The following OXCT1 variants were observed in gnomAD, a reference collection of about 807,000 sequenced individuals.
The protein encoded by OXCT1 is succinyl-CoA:3-ketoacid coenzyme A transferase 1, mitochondrial.
OXCT1 carries 27 observed loss-of-function variants against 69.6 expected under a neutral mutation model. The ratio of observed to expected loss-of-function variants is 0.39; its 90% confidence interval spans 0.29 to 0.54. The LOEUF is 0.54. Ranked by LOEUF, OXCT1 falls within the 20% of genes least tolerant of loss-of-function variation. The pLI is 0.72. For missense variants in OXCT1, 437 were observed against 650.2 expected (o/e 0.67, Z 3.57); for synonymous variants, 202 against 217.8 (o/e 0.93, Z 0.64).
At chr5:41,791,665 G>T (rs1269727038) in intron 13 of OXCT1, among the ~76,000 whole-genome samples, 1 of 152,112 alleles carries the variant, frequency 6.6e-6, no homozygotes, top group Non-Finnish European at 1.5e-5. Context: ...TCATACCCAG[G>T]ACCACTGAGC....
intron 7 of OXCT1, among the ~76,000 whole-genome samples, chr5:41,828,343 C>T (rs113509463): frequency 0.026 from 3,879 of 151,690 alleles, 81 homozygotes; most frequent in Non-Finnish European, 0.037. Context: ...CAACTGGTCT[C>T]GAACTCCTGA....
intron 13 of OXCT1, among the ~76,000 whole-genome samples, chr5:41,786,161 C>A (rs1446976483): frequency 6.6e-6 from 1 of 152,124 alleles, no homozygotes; most frequent in Non-Finnish European, 1.5e-5. Context: ...GCTGGGGAAG[C>A]ATCCAGCCAT....
intron 7 of OXCT1, among the ~76,000 whole-genome samples, chr5:41,821,968 C>T (rs1249973099): frequency 6.6e-6 from 1 of 152,148 alleles, no homozygotes; most frequent in Non-Finnish European, 1.5e-5. Flanking sequence ...GTTTTTCTCT[C>T]AGGGATCATG....
At position 41,757,199 on chromosome 5, in the gene OXCT1, C is replaced by G. The variant is rs181888341; in HGVS notation, c.1338+4912G>C. ...GTGAGTATATTTTTTCCCACTCAAC[C>G]TTTCTCGCTTTGTTCTTTGACTAGA... On this transcript the variant is annotated intron_variant, in intron 14 of 16. Transcript: ENST00000196371. Among the ~76,000 whole-genome samples the G allele has an allele frequency of 1.4e-3, 210 of 152,188 alleles. 1 individual carries two copies. The highest frequency in any genetic ancestry group is 4.9e-3 in the African/African-American group (203 of 41,556).
intron 10 of OXCT1, among the ~76,000 whole-genome samples, chr5:41,802,662 T>G (rs972461727): frequency 6.6e-6 from 1 of 152,056 alleles, no homozygotes; most frequent in African/African-American, 2.4e-5. Context: ...CTTCATTATC[T>G]TGTCCAACAA....
At chr5:41,794,491 C>G in intron 12 of OXCT1, 186 bp downstream of exon 12, 2 of 632,950 alleles carry the variant, frequency 3.2e-6, no homozygotes, top group Non-Finnish European at 5.5e-6. Context: ...CTTTTCCTAA[C>G]AGTGGGCTGG....
chr5:41,848,448 G>T (rs1224436454), intron 5 of OXCT1, among the ~76,000 whole-genome samples: 1 of 147,612 alleles, frequency 6.8e-6, no homozygotes, highest in Non-Finnish European at 1.5e-5. Flanking sequence ...AAGTTCATAT[G>T]GAACCAAAAA....
chr5:41,787,142 T>C (rs1489940694), intron 13 of OXCT1, among the ~76,000 whole-genome samples: 1 of 152,178 alleles, frequency 6.6e-6, no homozygotes, highest in Non-Finnish European at 1.5e-5. Flanking sequence ...GGCCAGTAAC[T>C]CTGTGATATA....
At chr5:41,829,484 A>G (rs1011316396) in intron 7 of OXCT1, among the ~76,000 whole-genome samples, 2 of 152,132 alleles carry the variant, frequency 1.3e-5, no homozygotes, top group African/African-American at 4.8e-5. Flanking sequence ...ACTTGCTGTA[A>G]TTGGTATTTT....
chr5:41,730,355 T>A lies in OXCT1; in HGVS notation c.*1374A>T, dbSNP rs1453485249. On this transcript the variant is annotated 3_prime_UTR_variant, in exon 17 of 17. Coordinates refer to ENST00000196371, the MANE Select transcript of OXCT1 (RefSeq NM_000436.4). Reference sequence around the variant, plus strand: ...GAAAGGCTGTTTTATATATGGTGTGTGTTACTCATAAAAAGCCTGTCCTTT... The same window carrying A: ...GAAAGGCTGTTTTATATATGGTGTGAGTTACTCATAAAAAGCCTGTCCTTT... 6.6e-6 allele frequency: 1 copy of A among 152,242 alleles called. No homozygotes were observed. The highest frequency in any genetic ancestry group is 1.5e-5 in the Non-Finnish European group (1 of 68,044). 9.4% of individuals were successfully genotyped at this position (152,242 alleles called of 1,614,324 possible).
intron 5 of OXCT1, among the ~76,000 whole-genome samples, chr5:41,848,086 A>G (rs1749008191): frequency 6.9e-6 from 1 of 145,508 alleles, no homozygotes; most frequent in Admixed American, 6.9e-5. Context: ...GCAAAGTCTC[A>G]GGATACAAAA....
At chr5:41,785,972 G>A (rs937525385) in intron 13 of OXCT1, among the ~76,000 whole-genome samples, 14 of 152,142 alleles carry the variant, frequency 9.2e-5, no homozygotes, top group South Asian at 2.1e-4. Context: ...GCTGTTTTGC[G>A]GAAGTAACTA....
intron 3 of OXCT1, 128 bp downstream of exon 3, chr5:41,861,186 C>T: frequency 1.4e-6 from 1 of 733,024 alleles, no homozygotes; most frequent in South Asian, 1.5e-5. Context: ...TTGTTAAACA[C>T]TAGATTTTGA....
chr5:41,731,831 T>G, intron 16 of OXCT1, 61 bp from the exon 17 acceptor site: 4 of 1,553,664 alleles, frequency 2.6e-6, no homozygotes, highest in Non-Finnish European at 3.5e-6. Context: ...ATCTCTCTCC[T>G]TTTAATTTCC....
intron 5 of OXCT1, among the ~76,000 whole-genome samples, chr5:41,845,841 CT>C (rs1019170892): frequency 6.6e-6 from 1 of 151,982 alleles, no homozygotes; most frequent in African/African-American, 2.4e-5. Flanking sequence ...GTCAAGAAGC[CT>C]TTTAAACTTA....
chr5:41,844,942 CAAA>C (rs552992378), intron 5 of OXCT1, among the ~76,000 whole-genome samples: 6 of 78,216 alleles, frequency 7.7e-5, no homozygotes, highest in Admixed American at 1.4e-4. Flanking sequence ...GGCTTCCTAG[CAAA>C]AAAAAAAAAA....
intron 7 of OXCT1, among the ~76,000 whole-genome samples, chr5:41,837,411 C>T (rs1370076641): frequency 6.6e-6 from 1 of 151,912 alleles, no homozygotes; most frequent in African/African-American, 2.4e-5. Context: ...TCAGTCACCA[C>T]ATTTAGAGAA....
chr5:41,805,981 A>T (rs1321572643), intron 8 of OXCT1, among the ~76,000 whole-genome samples: 1 of 152,030 alleles, frequency 6.6e-6, no homozygotes, highest in African/African-American at 2.4e-5. Context: ...CTTCCAACTA[A>T]ATTCTCCTCT....
chr5:41,856,785 G>A (rs941493153), intron 3 of OXCT1, among the ~76,000 whole-genome samples: 1 of 152,174 alleles, frequency 6.6e-6, no homozygotes, highest in Non-Finnish European at 1.5e-5. Flanking sequence ...ATTTTCAAGA[G>A]TGTACTTTTG....
Sources: gnomAD v4.1 joint callset for allele counts (sites outside exome capture counted in the v4.1 genomes callset) on GRCh38, gnomAD v4.1.1 for gene constraint, MANE v1.5 for transcripts, NCBI Gene and HGNC (gene_info 2026-07-23, HGNC 2026-07-21) for gene names.